The following MEF2A variants were observed in gnomAD, a reference collection of about 807,000 sequenced individuals.
MEF2A encodes the protein myocyte enhancer factor 2A.
A neutral mutation model predicts 55.8 loss-of-function variants in MEF2A; 28 were observed. That is an observed-to-expected ratio of 0.50 (90% CI 0.37 to 0.69). The LOEUF (loss-of-function observed/expected upper bound fraction) is 0.69. Ranked by LOEUF, MEF2A falls within the 30% of genes least tolerant of loss-of-function variation. The pLI, the probability that MEF2A is intolerant of heterozygous loss-of-function variation, is 0.00. For synonymous variants in MEF2A, 239 were observed against 227.1 expected, an observed-to-expected ratio of 1.05 and a Z score of -0.47; for missense variants, 528 against 626.2, an observed-to-expected ratio of 0.84 and a Z score of 1.67.
intron 1 of MEF2A, among the ~76,000 whole-genome samples, chr15:99,596,246 G>C (rs1971133421): frequency 6.6e-6 from 1 of 151,896 alleles, no homozygotes; most frequent in African/African-American, 2.4e-5. Flanking sequence ...GTTTGCCATG[G>C]GCCAAATAGC....
intron 7 of MEF2A, among the ~76,000 whole-genome samples, chr15:99,675,761 G>A (rs1053267852): frequency 6.6e-6 from 1 of 152,152 alleles, no homozygotes; most frequent in Non-Finnish European, 1.5e-5. Flanking sequence ...GTCTTGGCCG[G>A]GCGTCGTGGC....
intron 8 of MEF2A, among the ~76,000 whole-genome samples, chr15:99,700,187 T>TACACACACACACAC (rs1234666173): frequency 6.2e-5 from 7 of 112,294 alleles, no homozygotes; most frequent in African/African-American, 2.2e-4. Context: ...TGTGTATATA[T>TACACACACACACAC]ACACACACAC....
intron 4 of MEF2A, among the ~76,000 whole-genome samples, chr15:99,667,918 T>A (rs574976987): frequency 2.0e-5 from 3 of 152,352 alleles, no homozygotes; most frequent in Admixed American, 1.3e-4. Context: ...GATATTTAGT[T>A]TTTTGGGTTT....
Position 99,712,499 on chromosome 15 carries a change from G to C in MEF2A, c.1246G>C (p.Gly416Arg), listed in dbSNP as rs1007445184. Residue 416 changes from glycine (G) to arginine (R), a missense_variant, in exon 12 of 12, where the codon GGC (glycine) becomes CGC (arginine). Around this residue, in one of 2 missense-constraint regions of MEF2A, gnomAD observed 450 missense variants for 475.3 expected, o/e 0.95. Coordinates refer to ENST00000557942, the MANE Select transcript of MEF2A (RefSeq NM_001319206.4). The surrounding 1 kb of genome is among the most constrained non-coding windows in gnomAD (Gnocchi z 4.1). The stretch of plus-strand genomic sequence containing the variant: ...TCCTCGGGATCGTATGACCCCATCG[G>C]GCTTCCAGCAGCAGCAGCAGCAGCA... The part of the protein sequence containing the change: ...SPPRDRMTPS[G>R]FQQQQQQQQQ... 4 of 1,542,532 alleles carry C rather than the reference G, an allele frequency of 2.6e-6. No homozygotes were observed. Among genetic ancestry groups the C allele is most frequent in the Non-Finnish European group, 3.5e-6 (4 of 1,143,900 alleles).
intron 1 of MEF2A, among the ~76,000 whole-genome samples, chr15:99,597,735 C>G (rs1971711797): frequency 6.6e-6 from 1 of 152,144 alleles, no homozygotes; most frequent in East Asian, 1.9e-4. Context: ...AAATTTCTCT[C>G]TTTTGTACTC....
chr15:99,590,103 G>A (rs930811179), intron 1 of MEF2A, among the ~76,000 whole-genome samples: 2 of 152,016 alleles, frequency 1.3e-5, no homozygotes, highest in Non-Finnish European at 2.9e-5. Context: ...ATCTCCAGCT[G>A]TAATTGTAGA....
Position 99,621,519 on chromosome 15 carries a change from C to T in MEF2A, c.-142-11459C>T, listed in dbSNP as rs189971271. On this transcript the variant is annotated intron_variant, in intron 2 of 11. Transcript: ENST00000557942. ...TCTACAGGATGATTTGGGGGCCATTCATTTGCAACAGTAGTAAGTGTTTCT... is the reference window on the plus strand; with the variant it reads ...TCTACAGGATGATTTGGGGGCCATTTATTTGCAACAGTAGTAAGTGTTTCT... 2.8e-4 allele frequency among the ~76,000 whole-genome samples: 42 copies of T among 152,216 alleles called. No homozygotes were observed. In the East Asian group the frequency reaches 7.3e-3, roughly 27 times the overall value.
At chr15:99,628,052 T>C (rs1230008602) in intron 2 of MEF2A, among the ~76,000 whole-genome samples, 1 of 152,236 alleles carries the variant, frequency 6.6e-6, no homozygotes, top group Non-Finnish European at 1.5e-5. Context: ...AATAAATTTC[T>C]GGTTATGGTT....
chr15:99,659,462 A>G (rs989115312), intron 4 of MEF2A, among the ~76,000 whole-genome samples: 3 of 152,320 alleles, frequency 2.0e-5, no homozygotes, highest in East Asian at 3.9e-4. Flanking sequence ...GACAGTGCCT[A>G]CAACCACCAC....
chr15:99,660,615 G>T (rs190387718), intron 4 of MEF2A, among the ~76,000 whole-genome samples: 1 of 152,222 alleles, frequency 6.6e-6, no homozygotes, highest in East Asian at 1.9e-4. Flanking sequence ...CATCCTTCTT[G>T]GGCTTTGTAT....
At chr15:99,650,197 C>G (rs1237753006) in intron 4 of MEF2A, among the ~76,000 whole-genome samples, 1 of 152,154 alleles carries the variant, frequency 6.6e-6, no homozygotes, top group Non-Finnish European at 1.5e-5. Flanking sequence ...TTGGGATGCA[C>G]ATTAAAATGA....
At chr15:99,626,840 C>T (rs1261873367) in intron 2 of MEF2A, among the ~76,000 whole-genome samples, 2 of 152,120 alleles carry the variant, frequency 1.3e-5, no homozygotes, top group Non-Finnish European at 2.9e-5. Context: ...CAAGCAAAGT[C>T]ATCTAACCGA....
chr15:99,695,948 C>T (rs1174908041), intron 8 of MEF2A, among the ~76,000 whole-genome samples: 1 of 151,768 alleles, frequency 6.6e-6, no homozygotes, highest in Non-Finnish European at 1.5e-5. Flanking sequence ...TTTACCATTG[C>T]AAACACCAAA....
intron 4 of MEF2A, among the ~76,000 whole-genome samples, chr15:99,668,002 TC>T (rs1239658559): frequency 1.3e-5 from 2 of 152,120 alleles, no homozygotes; most frequent in African/African-American, 4.8e-5. Context: ...ATTACTTAAA[TC>T]CTGCGTTTTG....
At chr15:99,568,528 A>G (rs1960737712) in intron 1 of MEF2A, among the ~76,000 whole-genome samples, 1 of 152,212 alleles carries the variant, frequency 6.6e-6, no homozygotes, top group Non-Finnish European at 1.5e-5. Context: ...ATATTGAATT[A>G]TATTCTGAGG....
intron 4 of MEF2A, among the ~76,000 whole-genome samples, chr15:99,646,826 CACACATAA>C (rs2046040832): frequency 6.6e-6 from 1 of 152,068 alleles, no homozygotes; most frequent in Non-Finnish European, 1.5e-5. Context: ...ACCATTACTA[CACACATAA>C]AAACTATTAC....
intron 1 of MEF2A, among the ~76,000 whole-genome samples, chr15:99,580,732 T>G (rs375047537): frequency 6.6e-6 from 1 of 152,252 alleles, no homozygotes; most frequent in Non-Finnish European, 1.5e-5. Context: ...CCTTTGGTAC[T>G]TTTTATTCCA....
intron 4 of MEF2A, among the ~76,000 whole-genome samples, chr15:99,653,381 A>G (rs189944300): frequency 4.6e-5 from 7 of 152,348 alleles, no homozygotes; most frequent in African/African-American, 1.7e-4. Context: ...TTCTACAGAA[A>G]GACACCTTCT....
In MEF2A at chr15:99,712,500, G is replaced by A; in HGVS notation, c.1247G>A (p.Gly416Asp). Residue 416 changes from glycine (G) to aspartate (D), a missense_variant, in exon 12 of 12, where the codon GGC (glycine) becomes GAC (aspartate). Coordinates refer to ENST00000557942, the MANE Select transcript of MEF2A (RefSeq NM_001319206.4). The surrounding 1 kb of genome is among the most constrained non-coding windows in gnomAD (Gnocchi z 4.1). ...SPPRDRMTPS[G>D]FQQQQQQQQQ... Reference sequence around the variant, plus strand: ...CCTCGGGATCGTATGACCCCATCGGGCTTCCAGCAGCAGCAGCAGCAGCAG... The same window carrying A: ...CCTCGGGATCGTATGACCCCATCGGACTTCCAGCAGCAGCAGCAGCAGCAG... 6.5e-7 allele frequency: 1 copy of A among 1,539,106 alleles called. No individual in the cohort carries two copies. The highest frequency in any genetic ancestry group is 8.8e-7 in the Non-Finnish European group (1 of 1,142,228).
Sources: allele counts gnomAD v4.1 joint callset (sites outside exome capture counted in the v4.1 genomes callset), GRCh38; gene constraint gnomAD v4.1.1; regional missense constraint gnomAD v4.1.1; non-coding constraint Gnocchi (gnomAD v3.1); transcripts MANE v1.5; gene names NCBI Gene and HGNC (gene_info 2026-07-23, HGNC 2026-07-21).